Variants in PPP2CB observed in about 807,000 individuals in gnomAD.
PPP2CB encodes serine/threonine-protein phosphatase 2A catalytic subunit beta isoform.
A neutral mutation model predicts 39.1 loss-of-function variants in PPP2CB; 18 were observed. That is an observed-to-expected ratio of 0.46 (90% confidence interval 0.32 to 0.68). The LOEUF is 0.68. PPP2CB is among the 30% of genes least tolerant of loss of function. PPP2CB has a pLI of 0.04. For synonymous variants in PPP2CB, 129 were observed against 133.8 expected (o/e 0.96, Z 0.25); for missense variants, 226 against 396.9 (o/e 0.57, Z 3.66).
intron 6 of PPP2CB, among the ~76,000 whole-genome samples, chr8:30,787,595 A>G (rs1806364705): frequency 6.6e-6 from 1 of 152,174 alleles, no homozygotes; most frequent in Admixed American, 6.5e-5. Context: ...TTGGCTTCCC[A>G]AAGTGCTAGG....
At chr8:30,804,064 G>A (rs1450802271) in intron 1 of PPP2CB, among the ~76,000 whole-genome samples, 1 of 151,992 alleles carries the variant, frequency 6.6e-6, no homozygotes, top group South Asian at 2.1e-4. Flanking sequence ...CTCGTGATCC[G>A]CCCGCCTCGG....
chr8:30,803,880 G>A (rs1806672843), intron 1 of PPP2CB, among the ~76,000 whole-genome samples: 1 of 151,048 alleles, frequency 6.6e-6, no homozygotes, highest in South Asian at 2.1e-4. Flanking sequence ...GCAGTGGCGC[G>A]ATCTCCATCT....
intron 1 of PPP2CB, among the ~76,000 whole-genome samples, chr8:30,805,118 C>T (rs777965464): frequency 5.9e-5 from 9 of 152,220 alleles, no homozygotes; most frequent in Non-Finnish European, 1.2e-4. Flanking sequence ...CTCCTTTCTT[C>T]TTCACTGCCC....
chr8:30,794,352 T>C (rs1806485351), intron 3 of PPP2CB, 71 bp from the exon 4 acceptor site: 1 of 1,292,446 alleles, frequency 7.7e-7, no homozygotes, highest in African/African-American at 1.5e-5. Context: ...GAGTAAATAA[T>C]GGTTAAAAGT....
chr8:30,791,030 T>C (rs775228096), intron 6 of PPP2CB, 167 bp downstream of exon 6: 40 of 543,722 alleles, frequency 7.4e-5, no homozygotes, highest in East Asian at 3.3e-4. Flanking sequence ...TCCAAAAGCT[T>C]TGAAAAATTA....
Position 30,786,317 on chromosome 8 carries a change from G to T in PPP2CB, c.858-10C>A. 7 of 1,562,734 alleles carry T rather than the reference G, an allele frequency of 4.5e-6. No individual in the cohort carries two copies. Among genetic ancestry groups the T allele is most frequent in the Non-Finnish European group, 2.6e-6 (3 of 1,152,432 alleles). On this transcript the variant is annotated splice_polypyrimidine_tract_variant and intron_variant, in intron 6 of 6. Coordinates refer to ENST00000221138, the MANE Select transcript of PPP2CB (RefSeq NM_001009552.2). ...TGGGTCAAATTGAAGGCTGTAAATG[G>T]CAAAAAAGGAAGCAAATAAAGGATC...
Position 30,800,694 on chromosome 8 carries a change from C to G in PPP2CB, c.103-939G>C, listed in dbSNP as rs191543067. Among the ~76,000 whole-genome samples the G allele has an allele frequency of 8.7e-3, 1,328 of 152,246 alleles. 14 individuals are homozygous for G. The highest frequency in any genetic ancestry group is 0.014 in the Non-Finnish European group (954 of 68,008). ...AAAAATTTAAAAGCCTCTGAAGTAACAAAACAGACATCATAAAAATGTATC... is the reference window on the plus strand; with the variant it reads ...AAAAATTTAAAAGCCTCTGAAGTAAGAAAACAGACATCATAAAAATGTATC... On this transcript the variant is annotated intron_variant, in intron 1 of 6. Coordinates refer to ENST00000221138, the MANE Select transcript of PPP2CB (RefSeq NM_001009552.2).
chr8:30,810,734 C>G (rs1379845394), intron 1 of PPP2CB, among the ~76,000 whole-genome samples: 1 of 152,176 alleles, frequency 6.6e-6, no homozygotes, highest in Non-Finnish European at 1.5e-5. Flanking sequence ...TTGCTTGGCA[C>G]TTCTATTTAC....
rs756350111 is a variant in PPP2CB at position 30,793,962 on chromosome 8, G to A, written c.693C>T (p.Ala231=). The stretch of plus-strand genomic sequence containing the variant: ...CACGAGAAACCAGTGTGAGACCATT[G>A]GCATGGTTAAAGGTTTCAGAAATGT... ...GQDISETFNH[A]NGLTLVSRAH... Residue 231 remains alanine, a synonymous_variant, in exon 5 of 7, where the codon GCC becomes GCT. Transcript: ENST00000221138. 2 of 1,613,980 alleles carry A rather than the reference G, an allele frequency of 1.2e-6. No homozygotes were observed. Among genetic ancestry groups the A allele is most frequent in the South Asian group, 2.2e-5 (2 of 91,054 alleles).
intron 2 of PPP2CB, 89 bp from the exon 3 acceptor site, chr8:30,797,843 C>A: frequency 7.4e-7 from 1 of 1,346,282 alleles, no homozygotes; most frequent in Non-Finnish European, 1.0e-6. Flanking sequence ...TTTTTAAACA[C>A]GGCGCTTTTG....
chr8:30,805,355 C>A (rs1039798214), intron 1 of PPP2CB, among the ~76,000 whole-genome samples: 5 of 152,106 alleles, frequency 3.3e-5, no homozygotes, highest in Non-Finnish European at 7.4e-5. Flanking sequence ...GTCAGGAGAT[C>A]CGAGACCATC....
chr8:30,796,776 A>G (rs1806533514), intron 3 of PPP2CB, among the ~76,000 whole-genome samples: 1 of 152,222 alleles, frequency 6.6e-6, no homozygotes, highest in Non-Finnish European at 1.5e-5. Context: ...ATTTCTTCTT[A>G]TACTTTTGAA....
chr8:30,797,384 C>T (rs1361807005), intron 3 of PPP2CB, among the ~76,000 whole-genome samples, 197 bp downstream of exon 3: 2 of 152,114 alleles, frequency 1.3e-5, no homozygotes, highest in East Asian at 3.8e-4. Flanking sequence ...CTGAGAACAA[C>T]AGGAAAATTT....
chr8:30,805,487 T>C (rs1026182155), intron 1 of PPP2CB, among the ~76,000 whole-genome samples: 1 of 151,872 alleles, frequency 6.6e-6, no homozygotes, highest in African/African-American at 2.4e-5. Context: ...ATGAACCCGG[T>C]AGGCGGAGCT....
chr8:30,812,065 G>GC (rs1323551961), intron 1 of PPP2CB, among the ~76,000 whole-genome samples: 4 of 151,800 alleles, frequency 2.6e-5, no homozygotes, highest in South Asian at 2.1e-4. Context: ...CCGCACCCGA[G>GC]CCCCCCACGC....
At position 30,812,390 on chromosome 8, in the gene PPP2CB, T is replaced by C. The variant is rs1220654846; in HGVS notation, c.32A>G (p.Asp11Gly). 18 of 1,547,870 alleles carry C rather than the reference T, an allele frequency of 1.2e-5. No homozygotes were observed. The highest frequency in any genetic ancestry group is 1.6e-5 in the Non-Finnish European group (18 of 1,143,190). The change falls in exon 1 of 7, where the codon GAC (aspartate) becomes GGC (glycine). Residue 11 changes from aspartate to glycine, a missense_variant. Physicochemically the swap from Asp to Gly is moderately conservative, Grantham distance 94 (BLOSUM62 -1). This residue lies in a region of PPP2CB where 59 missense variants were observed against 42.6 expected (regional missense o/e 1.38). Transcript: ENST00000221138. ...CTCGTTCAGCTGCTCGACCCACTGG[T>C]CCAGCTCCTTGGTGAACGCCTTGTC... MDDKAFTKELDQWVEQLNECK... is the reference protein window; with the variant it reads MDDKAFTKELGQWVEQLNECK...
At chr8:30,789,821 A>G (rs1465012164) in intron 6 of PPP2CB, among the ~76,000 whole-genome samples, 2 of 152,228 alleles carry the variant, frequency 1.3e-5, no homozygotes, top group African/African-American at 2.4e-5. Context: ...AGCTTATACA[A>G]CGGGGATTTA....
Position 30,799,546 on chromosome 8 carries a change from C to T in PPP2CB, c.312G>A (p.Lys104=). The T allele has an allele frequency of 6.2e-7, 1 of 1,607,006 alleles. No homozygotes were observed. Among genetic ancestry groups the T allele is most frequent in the Non-Finnish European group, 8.5e-7 (1 of 1,175,090 alleles). Residue 104 remains lysine (K), a splice_region_variant and synonymous_variant, in exon 2 of 7, where the codon AAG becomes AAA. Transcript: ENST00000221138. ...VETVTLLVAL[K]VRYPERITIL... Reference sequence around the variant, plus strand: ...AAAAATTGAATTTCAATAATCATACCTTTAATGCTACAAGAAGAGTCACAG... The same window carrying T: ...AAAAATTGAATTTCAATAATCATACTTTTAATGCTACAAGAAGAGTCACAG...
intron 5 of PPP2CB, 113 bp from the exon 6 acceptor site, chr8:30,791,428 C>A (rs547073666): frequency 5.1e-4 from 380 of 746,654 alleles, no homozygotes; most frequent in Non-Finnish European, 7.9e-4. Flanking sequence ...GAAATGTAGT[C>A]GTCTATATTA....
Sources: allele counts gnomAD v4.1 joint callset (sites outside exome capture counted in the v4.1 genomes callset), GRCh38; gene constraint gnomAD v4.1.1; regional missense constraint gnomAD v4.1.1; transcripts MANE v1.5; gene names NCBI Gene and HGNC (gene_info 2026-07-23, HGNC 2026-07-21).